SBNO1: variants seen among roughly 807,000 people sequenced by gnomAD.
SBNO1 encodes protein strawberry notch homolog 1.
In SBNO1, 23 loss-of-function variants were observed where a neutral mutation model predicts 173.6. That is an observed-to-expected ratio of 0.13 (90% CI 0.10 to 0.19). The LOEUF (loss-of-function observed/expected upper bound fraction) is 0.19, where lower values mean the gene tolerates loss of function less well. Among genes scored for constraint, SBNO1 ranks in the 10% least tolerant of loss-of-function variants. The pLI, the probability that SBNO1 is intolerant of heterozygous loss-of-function variation, is 1.00. For missense variants in SBNO1, 1,238 were observed against 1,671.2 expected, an observed-to-expected ratio of 0.74 and a Z score of 4.52; for synonymous variants, 632 against 571.5, an observed-to-expected ratio of 1.11 and a Z score of -1.51.
At chr12:123,328,507 T>C (rs912990346) in intron 10 of SBNO1, among the ~76,000 whole-genome samples, 6 of 152,194 alleles carry the variant, frequency 3.9e-5, no homozygotes, top group Admixed American at 1.3e-4. Context: ...GTATTCAGTA[T>C]TCCTCATATC....
At position 123,297,986 on chromosome 12, in the gene SBNO1, C is replaced by T; in HGVS notation, c.4031G>A (p.Arg1344Gln). Reference sequence around the variant, plus strand: ...ACAAAAATTAGACTCACCTACAATCCGTTGCCCATCTTCCGTTCTTAGCCG... The same window carrying T: ...ACAAAAATTAGACTCACCTACAATCTGTTGCCCATCTTCCGTTCTTAGCCG... ...IVRLRTEDGQ[R>Q]IVGLIIPANC... The change falls in exon 31 of 32, where the codon CGG (arginine) becomes CAG (glutamine). Residue 1344 changes from arginine to glutamine, a missense_variant. This residue lies in a region of SBNO1 where 351 missense variants were observed against 420.3 expected (regional missense o/e 0.84). Coordinates refer to ENST00000602398, the MANE Select transcript of SBNO1 (RefSeq NM_001167856.3). 2 of 1,613,518 alleles carry T rather than the reference C, an allele frequency of 1.2e-6. No individual in the cohort carries two copies. The highest frequency in any genetic ancestry group is 1.7e-6 in the Non-Finnish European group (2 of 1,179,866).
rs1299375475 is a variant in SBNO1 at position 123,325,605 on chromosome 12, G to GA, written c.1876-7dup. On this transcript the variant is annotated splice_region_variant and splice_polypyrimidine_tract_variant and intron_variant, in intron 14 of 31. Coordinates refer to ENST00000602398, the MANE Select transcript of SBNO1 (RefSeq NM_001167856.3). ...TGCAGACCAATTACAACACACTGGA[G>GA]AAAAAAGAAAACATGTTAATTATGA... The GA allele has an allele frequency of 1.3e-6, 2 of 1,544,284 alleles. No homozygotes were observed. Among genetic ancestry groups the GA allele is most frequent in the Non-Finnish European group, 1.8e-6 (2 of 1,122,672 alleles).
chr12:123,345,301 T>C lies in SBNO1; in HGVS notation c.507A>G (p.Leu169=). ...KNNSLNELMK[L]KPPANIAQPV... is the part of the protein sequence containing the mutation. ...GCTGAGCAATATTAGCAGGTGGCTT[T>C]AGTTTCATCAGTTCATTAAGACTAT... Residue 169 remains leucine (L), a synonymous_variant, in exon 4 of 32, where the codon CTA becomes CTG. Coordinates refer to ENST00000602398, the MANE Select transcript of SBNO1 (RefSeq NM_001167856.3). 1 of 1,614,222 alleles carries C rather than the reference T, an allele frequency of 6.2e-7. No homozygotes were observed.
At chr12:123,322,297 T>C (rs1239354346) in intron 16 of SBNO1, among the ~76,000 whole-genome samples, 1 of 151,300 alleles carries the variant, frequency 6.6e-6, no homozygotes, top group Non-Finnish European at 1.5e-5. Flanking sequence ...CATGACCAGA[T>C]ATTTTTTTTT....
intron 7 of SBNO1, 39 bp downstream of exon 7, chr12:123,334,009 AATAGG>A (rs1320956847): frequency 1.5e-6 from 2 of 1,322,344 alleles, no homozygotes; most frequent in Non-Finnish European, 2.1e-6. Context: ...TGTTATATAG[AATAGG>A]ATAAAATAAT....
At chr12:123,364,586 G>A in intron 1 of SBNO1, 115 bp downstream of exon 1, 2 of 983,406 alleles carry the variant, frequency 2.0e-6, no homozygotes, top group Middle Eastern at 5.2e-4. Context: ...GCCCCAAGCC[G>A]GGGCGAGGTG....
chr12:123,296,684 C>T (rs1288361402), intron 31 of SBNO1, among the ~76,000 whole-genome samples: 1 of 151,980 alleles, frequency 6.6e-6, no homozygotes, highest in Non-Finnish European at 1.5e-5. Flanking sequence ...CCTCAGCCTC[C>T]CAAGTAGCTG....
In SBNO1 at chr12:123,299,695, A is replaced by AAC. The variant is rs1555244095; in HGVS notation, c.3846-1525_3846-1524insGT. Among the ~76,000 whole-genome samples the AAC allele has an allele frequency of 5.4e-4, 81 of 151,226 alleles. 1 individual carries two copies. Among genetic ancestry groups the AAC allele is most frequent in the African/African-American group, 1.8e-3 (74 of 41,360 alleles). ...GACTCTGTCTTCAAAAAAAAAAAAA[A>AAC]AAAACAAAAAAGCCAAGTGTGTTGG... On this transcript the variant is annotated intron_variant, in intron 30 of 31. Transcript: ENST00000602398.
intron 29 of SBNO1, among the ~76,000 whole-genome samples, chr12:123,303,876 A>G (rs2048851103): frequency 6.6e-6 from 1 of 151,622 alleles, no homozygotes; most frequent in African/African-American, 2.4e-5. Context: ...TTTCATACCT[A>G]GAAAAGCTAT....
chr12:123,332,181 A>G lies in SBNO1; in HGVS notation c.910-806T>C, dbSNP rs367888915. Among the ~76,000 whole-genome samples the G allele has an allele frequency of 4.6e-5, 7 of 152,250 alleles. No individual in the cohort carries two copies. The South Asian group carries it at 6.2e-4, about 14-fold the overall frequency. ...AATACTTTCTACATATTTACTGTATATTATCTCCTGCTACTCTTCCATGCA... is the reference window on the plus strand; with the variant it reads ...AATACTTTCTACATATTTACTGTATGTTATCTCCTGCTACTCTTCCATGCA... On this transcript the variant is annotated intron_variant, in intron 7 of 31. Coordinates refer to ENST00000602398, the MANE Select transcript of SBNO1 (RefSeq NM_001167856.3).
chr12:123,359,529 T>G (rs1208077102), intron 1 of SBNO1, among the ~76,000 whole-genome samples: 2 of 138,528 alleles, frequency 1.4e-5, no homozygotes, highest in African/African-American at 5.5e-5. Context: ...CACTCCAGAC[T>G]GGGCAACAGA....
intron 16 of SBNO1, among the ~76,000 whole-genome samples, chr12:123,322,361 C>T (rs112896539): frequency 0.019 from 2,887 of 152,198 alleles, 38 homozygotes; most frequent in Non-Finnish European, 0.03. Context: ...GTGGCATAAT[C>T]TTGGCTCACT....
At chr12:123,316,153 T>C (rs994243043) in intron 21 of SBNO1, among the ~76,000 whole-genome samples, 26 of 147,300 alleles carry the variant, frequency 1.8e-4, no homozygotes, top group African/African-American at 7.0e-4. Flanking sequence ...ATGCATCATA[T>C]ACTATAAAGT....
chr12:123,336,174 ATATCT>A (rs1483954184), intron 6 of SBNO1, among the ~76,000 whole-genome samples: 3 of 152,188 alleles, frequency 2.0e-5, no homozygotes, highest in African/African-American at 2.4e-5. Context: ...GTTGTATTAA[ATATCT>A]TAGCTTTATA....
intron 1 of SBNO1, among the ~76,000 whole-genome samples, chr12:123,358,904 T>C (rs575859014): frequency 5.3e-5 from 8 of 151,878 alleles, no homozygotes; most frequent in Non-Finnish European, 1.0e-4. Context: ...GACAACACAT[T>C]AGCAGGGTGT....
chr12:123,330,697 A>C (rs1871113209), intron 8 of SBNO1, among the ~76,000 whole-genome samples, 188 bp from the exon 9 acceptor site: 1 of 151,810 alleles, frequency 6.6e-6, no homozygotes. Flanking sequence ...GCACTTTGGG[A>C]GCCTAAGGCA....
chr12:123,340,720 T>C (rs931652943), intron 5 of SBNO1, among the ~76,000 whole-genome samples: 3 of 152,104 alleles, frequency 2.0e-5, no homozygotes, highest in African/African-American at 7.2e-5. Flanking sequence ...CCCCACATTG[T>C]CTTTTTTTCT....
Position 123,336,436 on chromosome 12 carries a change from A to G in SBNO1, c.707T>C (p.Met236Thr), listed in dbSNP as rs1871852906. ...DEPEEEDEEE[M>T]GHAETYAEYM... The stretch of plus-strand genomic sequence containing the variant: ...TTCTGCATAGGTTTCTGCATGACCC[A>G]TTTCTTCTTCATCTTCTTCCTCTGG... The change falls in exon 6 of 32, where the codon ATG becomes ACG. Residue 236 changes from methionine to threonine, a missense_variant. Met to Thr is a moderately conservative substitution (Grantham distance 81, BLOSUM62 -1). Transcript: ENST00000602398. The G allele has an allele frequency of 6.2e-7, 1 of 1,612,690 alleles. No homozygotes were observed. Among genetic ancestry groups the G allele is most frequent in the Non-Finnish European group, 8.5e-7 (1 of 1,179,270 alleles).
intron 4 of SBNO1, among the ~76,000 whole-genome samples, chr12:123,341,487 A>G (rs1264613273): frequency 3.3e-5 from 5 of 152,224 alleles, no homozygotes; most frequent in Non-Finnish European, 5.9e-5. Flanking sequence ...TACATATTTC[A>G]AAAACCAAAG....
Sources: allele counts gnomAD v4.1 joint callset (sites outside exome capture counted in the v4.1 genomes callset), GRCh38; gene constraint gnomAD v4.1.1; regional missense constraint gnomAD v4.1.1; transcripts MANE v1.5; gene names NCBI Gene and HGNC (gene_info 2026-07-23, HGNC 2026-07-21).